ATF6: variants seen among roughly 807,000 people sequenced by gnomAD.
ATF6 encodes the protein cyclic AMP-dependent transcription factor ATF-6 alpha.
A neutral mutation model predicts 83.6 loss-of-function variants in ATF6; 53 were observed. The observed-to-expected ratio is 0.63, with a 90% CI of 0.51 to 0.80. ATF6 has a LOEUF of 0.80. Ranked by LOEUF, ATF6 falls within the 30% of genes least tolerant of loss-of-function variation. ATF6 has a pLI of 0.00. For synonymous variants in ATF6, 288 were observed against 285.8 expected, an observed-to-expected ratio of 1.01 and a Z score of -0.08; for missense variants, 744 against 797.9, an observed-to-expected ratio of 0.93 and a Z score of 0.81.
chr1:161,801,050 G>T (rs74570682), intron 6 of ATF6, among the ~76,000 whole-genome samples: 1 of 152,050 alleles, frequency 6.6e-6, no homozygotes, highest in Admixed American at 6.6e-5. Context: ...AAATACTTAG[G>T]ACCAGAAGTG....
chr1:161,842,786 G>GT (rs1404477915), intron 9 of ATF6, among the ~76,000 whole-genome samples: 1 of 152,142 alleles, frequency 6.6e-6, no homozygotes, highest in Non-Finnish European at 1.5e-5. Flanking sequence ...TATTAATCCA[G>GT]TTTTTGGTGA....
At chr1:161,907,562 G>C (rs1165807625) in intron 14 of ATF6, among the ~76,000 whole-genome samples, 2 of 152,090 alleles carry the variant, frequency 1.3e-5, no homozygotes, top group Admixed American at 1.3e-4. Context: ...TTCATTTCTA[G>C]GGGAAATTAT....
At chr1:161,781,853 A>G (rs1684639640) in intron 2 of ATF6, 59 bp from the exon 3 acceptor site, 2 of 1,173,712 alleles carry the variant, frequency 1.7e-6, no homozygotes. Context: ...TCACAGTTTG[A>G]TTTTAAGATG....
At chr1:161,778,978 A>G (rs1414649339) in intron 2 of ATF6, among the ~76,000 whole-genome samples, 3 of 152,232 alleles carry the variant, frequency 2.0e-5, no homozygotes, top group Non-Finnish European at 2.9e-5. Context: ...ATCAGGTTGA[A>G]TATCACATCA....
At chr1:161,773,545 C>A (rs900264651) in intron 1 of ATF6, among the ~76,000 whole-genome samples, 1 of 152,142 alleles carries the variant, frequency 6.6e-6, no homozygotes, top group Non-Finnish European at 1.5e-5. Flanking sequence ...GGATTACAGG[C>A]GTGAGCCATC....
chr1:161,913,494 G>A (rs1043520586), intron 15 of ATF6, among the ~76,000 whole-genome samples: 4 of 152,082 alleles, frequency 2.6e-5, no homozygotes, highest in South Asian at 2.1e-4. Context: ...TATTAGAAAT[G>A]CTTAGGAAGT....
At chr1:161,897,589 T>C (rs2101876238) in intron 14 of ATF6, among the ~76,000 whole-genome samples, 1 of 152,296 alleles carries the variant, frequency 6.6e-6, no homozygotes, top group African/African-American at 2.4e-5. Flanking sequence ...AGTTTTCTGT[T>C]CGGGAGGAAG....
chr1:161,886,906 A>T (rs1172059479), intron 14 of ATF6, among the ~76,000 whole-genome samples: 1 of 152,210 alleles, frequency 6.6e-6, no homozygotes, highest in African/African-American at 2.4e-5. Context: ...ATTTGGAGAC[A>T]GTTCTAGAGA....
intron 15 of ATF6, among the ~76,000 whole-genome samples, chr1:161,931,373 A>C (rs1286177179): frequency 2.0e-5 from 3 of 152,206 alleles, no homozygotes; most frequent in African/African-American, 7.2e-5. Context: ...ATGTTTTTAT[A>C]TATTAAATAG....
At chr1:161,950,627 C>A (rs539286818) in intron 15 of ATF6, among the ~76,000 whole-genome samples, 17 of 152,250 alleles carry the variant, frequency 1.1e-4, no homozygotes, top group African/African-American at 4.1e-4. Flanking sequence ...TGGCTGATGA[C>A]CCCAGGCTAA....
At position 161,905,577 on chromosome 1, in the gene ATF6, A is replaced by G. The variant is rs535566482; in HGVS notation, c.1720-6719A>G. 4.6e-5 allele frequency among the ~76,000 whole-genome samples: 7 copies of G among 152,314 alleles called. No homozygotes were observed. The South Asian group carries it at 1.0e-3, about 23-fold the overall frequency. The stretch of plus-strand genomic sequence containing the variant: ...TTCTAAAATGAAACATCTTGTAAAC[A>G]TTATATATGACAAACTCCCAAATGG... On this transcript the variant is annotated intron_variant, in intron 14 of 15. Coordinates refer to ENST00000367942, the MANE Select transcript of ATF6 (RefSeq NM_007348.4).
rs1686010714 is a variant in ATF6 at position 161,829,984 on chromosome 1, T to C, written c.1187+8823T>C. Among the ~76,000 whole-genome samples, 4 of 152,174 alleles carry C rather than the reference T, an allele frequency of 2.6e-5. No individual in the cohort carries two copies. The South Asian group carries it at 8.3e-4, about 32-fold the overall frequency. ...TCAGGCAGGAGAAAGAAATAAAGGG[T>C]ATTCAATTAGGAAAAGAGGAAGTCA... On this transcript the variant is annotated intron_variant, in intron 9 of 15. Transcript: ENST00000367942.
At chr1:161,820,937 T>C (rs1476251316) in intron 8 of ATF6, 133 bp from the exon 9 acceptor site, 2 of 491,404 alleles carry the variant, frequency 4.1e-6, no homozygotes, top group Non-Finnish European at 6.9e-6. Flanking sequence ...TTTTTTTTTT[T>C]TTTAAATAAG....
chr1:161,895,594 T>C (rs1687655355), intron 14 of ATF6, among the ~76,000 whole-genome samples: 2 of 152,212 alleles, frequency 1.3e-5, no homozygotes, highest in South Asian at 2.1e-4. Context: ...GAATTGTGAT[T>C]AGAGTATGGA....
At chr1:161,945,137 C>A (rs1362762385) in intron 15 of ATF6, among the ~76,000 whole-genome samples, 2 of 152,156 alleles carry the variant, frequency 1.3e-5, no homozygotes, top group Non-Finnish European at 2.9e-5. Flanking sequence ...ATTCTCATTT[C>A]TATTATATGC....
chr1:161,895,779 C>T (rs1687663341), intron 14 of ATF6, among the ~76,000 whole-genome samples: 1 of 152,166 alleles, frequency 6.6e-6, no homozygotes, highest in Non-Finnish European at 1.5e-5. Flanking sequence ...ATTTAATTAC[C>T]TCTAAAAATA....
chr1:161,918,228 A>G (rs1688139816), intron 15 of ATF6, among the ~76,000 whole-genome samples: 1 of 152,186 alleles, frequency 6.6e-6, no homozygotes, highest in Admixed American at 6.5e-5. Context: ...TAACTTTGTG[A>G]CCACTTGAAA....
At chr1:161,865,269 C>G (rs1173071180) in intron 14 of ATF6, among the ~76,000 whole-genome samples, 2 of 151,948 alleles carry the variant, frequency 1.3e-5, no homozygotes, top group African/African-American at 4.8e-5. Flanking sequence ...AAGTGATTCT[C>G]TTGCCTCAGC....
chr1:161,955,016 A>G (rs893535836), intron 15 of ATF6, among the ~76,000 whole-genome samples: 1 of 152,160 alleles, frequency 6.6e-6, no homozygotes, highest in Middle Eastern at 3.2e-3. Context: ...TTAAGTATAC[A>G]TTTACAAAAA....
Sources: gnomAD v4.1 joint callset for allele counts (sites outside exome capture counted in the v4.1 genomes callset) on GRCh38, gnomAD v4.1.1 for gene constraint, MANE v1.5 for transcripts, NCBI Gene and HGNC (gene_info 2026-07-23, HGNC 2026-07-21) for gene names.